The following SCFD2 variants were observed in gnomAD, a reference collection of about 807,000 sequenced individuals.
SCFD2 encodes the protein sec1 family domain-containing protein 2.
A neutral mutation model predicts 58.9 loss-of-function variants in SCFD2; 54 were observed. The ratio of observed to expected loss-of-function variants is 0.92; its 90% CI spans 0.74 to 1.15. The LOEUF is 1.15. Among genes scored for constraint, SCFD2 ranks in the 50% most tolerant of loss-of-function variants. The pLI, the probability that SCFD2 is intolerant of heterozygous loss-of-function variation, is 0.00. For synonymous variants in SCFD2, 321 were observed against 335.9 expected, an observed-to-expected ratio of 0.96 and a Z score of 0.49; for missense variants, 805 against 836.6, an observed-to-expected ratio of 0.96 and a Z score of 0.47.
rs1283333673 is a variant in SCFD2 at position 53,255,845 on chromosome 4, A to AC, written c.1311+17980dup. Reference sequence around the variant, plus strand: ...GGGCAGCTGGCCGGGCGGGGGGCTGACCCCCCCACCTCCATCCCGGACGGG... The same window carrying AC: ...GGGCAGCTGGCCGGGCGGGGGGCTGACCCCCCCCACCTCCATCCCGGACGGG... On this transcript the variant is annotated intron_variant, in intron 4 of 8. Coordinates refer to ENST00000401642, the MANE Select transcript of SCFD2 (RefSeq NM_152540.4). Among the ~76,000 whole-genome samples the AC allele has an allele frequency of 6.1e-5, 9 of 146,926 alleles. No individual in the cohort carries two copies. The South Asian group carries it at 6.6e-4, about 11-fold the overall frequency.
chr4:52,907,428 T>C (rs769013779), intron 7 of SCFD2, 29 bp downstream of exon 7: 5 of 1,609,244 alleles, frequency 3.1e-6, no homozygotes, highest in Non-Finnish European at 4.3e-6. Context: ...ATTTCTACAC[T>C]CAGGATTACC....
intron 4 of SCFD2, among the ~76,000 whole-genome samples, chr4:53,174,245 T>A (rs932205756): frequency 1.3e-5 from 2 of 151,494 alleles, no homozygotes; most frequent in Admixed American, 6.6e-5. Context: ...ATTAAAAAAA[T>A]GAAGAGGAGA....
At chr4:53,205,482 G>T (rs1339137686) in intron 4 of SCFD2, among the ~76,000 whole-genome samples, 1 of 151,958 alleles carries the variant, frequency 6.6e-6, no homozygotes, top group African/African-American at 2.4e-5. Flanking sequence ...GAATAGAACA[G>T]AGGTTAAAGC....
At chr4:52,935,344 C>T (rs1255430957) in intron 5 of SCFD2, among the ~76,000 whole-genome samples, 3 of 152,130 alleles carry the variant, frequency 2.0e-5, no homozygotes, top group African/African-American at 7.2e-5. Context: ...TTAACAACAA[C>T]AACAACAAAA....
At chr4:53,350,066 T>C (rs1276603973) in intron 2 of SCFD2, among the ~76,000 whole-genome samples, 1 of 152,202 alleles carries the variant, frequency 6.6e-6, no homozygotes, top group Non-Finnish European at 1.5e-5. Flanking sequence ...TAATATGTAT[T>C]AAGTGCTCAG....
intron 6 of SCFD2, among the ~76,000 whole-genome samples, chr4:52,910,512 A>G (rs1719459895): frequency 6.6e-6 from 1 of 152,240 alleles, no homozygotes; most frequent in African/African-American, 2.4e-5. Context: ...TTCTGATAGA[A>G]AGCATGAAGG....
chr4:53,314,253 A>G (rs1732789674), intron 2 of SCFD2, among the ~76,000 whole-genome samples: 2 of 152,230 alleles, frequency 1.3e-5, no homozygotes, highest in South Asian at 4.1e-4. Context: ...CCTAATTAGT[A>G]GGCTTCCTAC....
At chr4:53,179,162 A>ATTTC (rs2148945537) in intron 4 of SCFD2, among the ~76,000 whole-genome samples, 1 of 152,306 alleles carries the variant, frequency 6.6e-6, no homozygotes, top group Admixed American at 6.5e-5. Context: ...CCACAAAGAT[A>ATTTC]CTCCTCAAGA....
chr4:53,252,939 G>C (rs1321092726), intron 4 of SCFD2, among the ~76,000 whole-genome samples: 1 of 152,144 alleles, frequency 6.6e-6, no homozygotes, highest in Non-Finnish European at 1.5e-5. Context: ...ACTACCATCA[G>C]AGTGAACAGG....
Position 53,044,832 on chromosome 4 carries a change from T to C in SCFD2, c.1561+100501A>G, listed in dbSNP as rs1419477582. ...TTAGGAGGCAAGAGTATTTCTGTTT[T>C]TTTTTTTTCCTTTTTGTCTGCACAT... On this transcript the variant is annotated intron_variant, in intron 5 of 8. Transcript: ENST00000401642. 3.3e-5 allele frequency among the ~76,000 whole-genome samples: 5 copies of C among 151,468 alleles called. 1 individual carries two copies. The highest frequency in any genetic ancestry group is 4.9e-5 in the African/African-American group (2 of 41,028).
intron 2 of SCFD2, among the ~76,000 whole-genome samples, chr4:53,341,796 C>A (rs1462485987): frequency 6.6e-6 from 1 of 152,124 alleles, no homozygotes; most frequent in Admixed American, 6.5e-5. Flanking sequence ...GAGTAGGGGC[C>A]AATATTCAAC....
At chr4:53,260,866 TG>T (rs1160819027) in intron 4 of SCFD2, among the ~76,000 whole-genome samples, 1 of 152,202 alleles carries the variant, frequency 6.6e-6, no homozygotes, top group Non-Finnish European at 1.5e-5. Context: ...GGACTTTTTT[TG>T]TTGGCAATTT....
At chr4:52,888,762 G>T (rs546390204) in intron 7 of SCFD2, among the ~76,000 whole-genome samples, 48 of 152,174 alleles carry the variant, frequency 3.2e-4, no homozygotes, top group Non-Finnish European at 1.5e-5. Flanking sequence ...TCCATCCTTG[G>T]TTCCTTGCCC....
At chr4:52,999,500 T>C (rs1474384985) in intron 5 of SCFD2, among the ~76,000 whole-genome samples, 1 of 152,176 alleles carries the variant, frequency 6.6e-6, no homozygotes, top group African/African-American at 2.4e-5. Flanking sequence ...TTCTTTGTTT[T>C]GGTTTTTGCC....
chr4:52,876,354 A>G (rs532568239), intron 8 of SCFD2, among the ~76,000 whole-genome samples: 1 of 152,344 alleles, frequency 6.6e-6, no homozygotes, highest in South Asian at 2.1e-4. Context: ...TATGAAAGCT[A>G]AGAACTTTCT....
At chr4:52,923,947 C>T (rs1560482382) in intron 5 of SCFD2, among the ~76,000 whole-genome samples, 1 of 152,124 alleles carries the variant, frequency 6.6e-6, no homozygotes, top group Non-Finnish European at 1.5e-5. Context: ...ATGTGAGAAA[C>T]TGAATCAATT....
chr4:53,231,529 T>A (rs1317388913), intron 4 of SCFD2, among the ~76,000 whole-genome samples: 1 of 152,206 alleles, frequency 6.6e-6, no homozygotes, highest in African/African-American at 2.4e-5. Flanking sequence ...TTTTTTACTG[T>A]ATTATTTTAT....
At chr4:53,301,805 A>T (rs1428543670) in intron 3 of SCFD2, among the ~76,000 whole-genome samples, 1 of 152,196 alleles carries the variant, frequency 6.6e-6, no homozygotes, top group East Asian at 1.9e-4. Flanking sequence ...ACATACGAAA[A>T]TCAATAAACG....
At chr4:52,920,187 C>G (rs552448509) in intron 6 of SCFD2, among the ~76,000 whole-genome samples, 1 of 152,164 alleles carries the variant, frequency 6.6e-6, no homozygotes, top group Non-Finnish European at 1.5e-5. Flanking sequence ...AATCTTGATA[C>G]CATCTCTTTA....
Sources: gnomAD v4.1 joint callset for allele counts (sites outside exome capture counted in the v4.1 genomes callset) on GRCh38, gnomAD v4.1.1 for gene constraint, MANE v1.5 for transcripts, NCBI Gene and HGNC (gene_info 2026-07-23, HGNC 2026-07-21) for gene names.